Variants in STAG1 observed in about 807,000 individuals in gnomAD.
STAG1 encodes the protein cohesin subunit SA-1.
In STAG1, 26 loss-of-function variants were observed where a neutral mutation model predicts 170.9. The ratio of observed to expected loss-of-function variants is 0.15; its 90% CI spans 0.11 to 0.21. STAG1 has a LOEUF of 0.21. Ranked by LOEUF, STAG1 falls within the 10% of genes least tolerant of loss-of-function variation. STAG1 has a pLI of 1.00. For missense variants in STAG1, 964 were observed against 1,509.5 expected (o/e 0.64, Z 5.99); for synonymous variants, 514 against 497.7 (o/e 1.03, Z -0.44).
In STAG1 at chr3:136,377,672, T is replaced by C. The variant is rs1937680714; in HGVS notation, c.2358A>G (p.Pro786=). The change falls in exon 23 of 34, where the codon CCA becomes CCG. Residue 786 remains proline (P), a synonymous_variant. Transcript: ENST00000383202. ...CQQCLSNVNT[P]VKEQAFMLLC... ...GATAATTTCTTACCTGTTCTTTCAC[T>C]GGAGTATTAACATTAGACAGGCACT... 7 of 1,613,498 alleles carry C rather than the reference T, an allele frequency of 4.3e-6. No homozygotes were observed. Among genetic ancestry groups the C allele is most frequent in the Admixed American group, 3.3e-5 (2 of 60,002 alleles).
Position 136,465,096 on chromosome 3 carries a change from G to T in STAG1, c.1206-108C>A, listed in dbSNP as rs936397349. On this transcript the variant is annotated intron_variant, in intron 12 of 33. Coordinates refer to ENST00000383202, the MANE Select transcript of STAG1 (RefSeq NM_005862.3). ...TTATAAAGCTCAAGACTTAATAATT[G>T]TTGTCTCATCTTTTATCTTACTTTG... is the stretch of plus-strand genomic sequence containing the variant. 6.1e-6 allele frequency: 4 copies of T among 658,170 alleles called. No individual in the cohort carries two copies. The African/African-American group carries it at 7.4e-5, about 12-fold the overall frequency. The allele number at this position is 658,170 out of a possible 1,614,324, so 40.8% of individuals were successfully genotyped here.
chr3:136,596,764 T>A (rs1316662690), intron 4 of STAG1, among the ~76,000 whole-genome samples: 1 of 152,222 alleles, frequency 6.6e-6, no homozygotes, highest in Non-Finnish European at 1.5e-5. Context: ...TCTAGTTTAC[T>A]CATTTTAAAT....
chr3:136,606,936 G>T (rs1233891206), intron 3 of STAG1, among the ~76,000 whole-genome samples: 1 of 151,806 alleles, frequency 6.6e-6, no homozygotes, highest in Non-Finnish European at 1.5e-5. Flanking sequence ...ATTTTTAGTA[G>T]AGATGTGGTT....
At chr3:136,713,305 A>G (rs112441323) in intron 1 of STAG1, among the ~76,000 whole-genome samples, 176 of 151,838 alleles carry the variant, frequency 1.2e-3, no homozygotes, top group African/African-American at 2.4e-3. Context: ...GTGTGCAGCC[A>G]AGCATGGTGG....
At chr3:136,339,173 C>T (rs569308075) in intron 32 of STAG1, among the ~76,000 whole-genome samples, 1 of 152,274 alleles carries the variant, frequency 6.6e-6, no homozygotes, top group South Asian at 2.1e-4. Context: ...CAGCCATCTA[C>T]AAGCCAAGGA....
intron 9 of STAG1, among the ~76,000 whole-genome samples, chr3:136,494,164 T>A (rs1441762662): frequency 6.6e-6 from 1 of 151,876 alleles, no homozygotes; most frequent in African/African-American, 2.4e-5. Flanking sequence ...CCTAGCTACT[T>A]GGGAGCTGAG....
At chr3:136,503,085 C>T (rs537872060) in intron 7 of STAG1, among the ~76,000 whole-genome samples, 3 of 152,266 alleles carry the variant, frequency 2.0e-5, no homozygotes, top group African/African-American at 7.2e-5. Context: ...TAAAAATACA[C>T]ACGTAAGGGC....
intron 1 of STAG1, among the ~76,000 whole-genome samples, chr3:136,638,454 G>A (rs1307299060): frequency 1.3e-5 from 2 of 151,960 alleles, no homozygotes; most frequent in Admixed American, 1.3e-4. Flanking sequence ...TATTCTTAAT[G>A]CTTGAAACCT....
intron 32 of STAG1, among the ~76,000 whole-genome samples, chr3:136,340,108 C>T (rs1377295055): frequency 6.6e-6 from 1 of 152,200 alleles, no homozygotes; most frequent in African/African-American, 2.4e-5. Flanking sequence ...GTGTCACCTC[C>T]TCCTCACCTC....
chr3:136,589,455 G>C (rs1938031408), intron 4 of STAG1, among the ~76,000 whole-genome samples: 1 of 152,012 alleles, frequency 6.6e-6, no homozygotes, highest in Non-Finnish European at 1.5e-5. Context: ...AGTGAGCCAA[G>C]ACTGTGCCAC....
At chr3:136,676,595 G>A (rs958758619) in intron 1 of STAG1, among the ~76,000 whole-genome samples, 1 of 152,064 alleles carries the variant, frequency 6.6e-6, no homozygotes, top group African/African-American at 2.4e-5. Context: ...AAAGGCATGT[G>A]CCACCATACC....
intron 1 of STAG1, among the ~76,000 whole-genome samples, chr3:136,655,571 T>C (rs1302276325): frequency 6.6e-6 from 1 of 152,206 alleles, no homozygotes; most frequent in Non-Finnish European, 1.5e-5. Flanking sequence ...CAGGCCAGCC[T>C]GGCCAACATG....
intron 23 of STAG1, among the ~76,000 whole-genome samples, chr3:136,370,788 C>G (rs924343002): frequency 6.6e-6 from 1 of 152,132 alleles, no homozygotes; most frequent in Non-Finnish European, 1.5e-5. Context: ...GGTTCCAAGT[C>G]TTTGCTATTG....
At chr3:136,640,064 T>C (rs2107845591) in intron 1 of STAG1, among the ~76,000 whole-genome samples, 1 of 152,338 alleles carries the variant, frequency 6.6e-6, no homozygotes, top group South Asian at 2.1e-4. Flanking sequence ...AAAGAATATG[T>C]ACCTATTGAG....
chr3:136,701,264 T>G (rs1943051812), intron 1 of STAG1, among the ~76,000 whole-genome samples: 1 of 152,150 alleles, frequency 6.6e-6, no homozygotes, highest in African/African-American at 2.4e-5. Context: ...TTGTCCTTAT[T>G]TTTTAATATC....
Position 136,478,013 on chromosome 3 carries a change from C to T in STAG1, c.903-601G>A, listed in dbSNP as rs1052708776. On this transcript the variant is annotated intron_variant, in intron 9 of 33. Transcript: ENST00000383202. ...TCATATTGGCCAGGGTGGTCTTGAACTCCTGACCTCAAGTGATCCACCCAC... is the reference window on the plus strand; with the variant it reads ...TCATATTGGCCAGGGTGGTCTTGAATTCCTGACCTCAAGTGATCCACCCAC... Among the ~76,000 whole-genome samples, 467 of 152,188 alleles carry T rather than the reference C, an allele frequency of 3.1e-3. 9 individuals are homozygous for T. Among genetic ancestry groups the T allele is most frequent in the Non-Finnish European group, 1.0e-4 (7 of 68,008 alleles).
At chr3:136,733,339 G>C (rs1233212510) in intron 1 of STAG1, among the ~76,000 whole-genome samples, 1 of 152,038 alleles carries the variant, frequency 6.6e-6, no homozygotes, top group African/African-American at 2.4e-5. Context: ...ACCCACCTCA[G>C]CGTCCCAAAG....
At chr3:136,733,403 C>T (rs192870420) in intron 1 of STAG1, among the ~76,000 whole-genome samples, 8 of 152,130 alleles carry the variant, frequency 5.3e-5, no homozygotes, top group Admixed American at 3.3e-4. Flanking sequence ...AACTTTTTAA[C>T]GCACACTGAC....
intron 1 of STAG1, among the ~76,000 whole-genome samples, chr3:136,750,025 T>A (rs1935148132): frequency 6.6e-6 from 1 of 152,074 alleles, no homozygotes; most frequent in Non-Finnish European, 1.5e-5. Flanking sequence ...ACATTATTTC[T>A]TCTCACAGCA....
Sources: allele counts gnomAD v4.1 joint callset (sites outside exome capture counted in the v4.1 genomes callset), GRCh38; gene constraint gnomAD v4.1.1; transcripts MANE v1.5; gene names NCBI Gene and HGNC (gene_info 2026-07-23, HGNC 2026-07-21).